Variants in EMC10 observed in about 807,000 individuals in gnomAD.
EMC10 encodes ER membrane protein complex subunit 10.
EMC10 carries 40 observed loss-of-function variants against 32.2 expected under a neutral mutation model. That is an observed-to-expected ratio of 1.24 (90% confidence interval 0.96 to 1.61). The LOEUF (loss-of-function observed/expected upper bound fraction) is 1.61, where lower values mean the gene tolerates loss of function less well. Ranked by LOEUF, EMC10 falls within the 40% of genes most tolerant of loss-of-function variation. The pLI is 0.00. For synonymous variants in EMC10, 178 were observed against 158.4 expected, an observed-to-expected ratio of 1.12 and a Z score of -0.93; for missense variants, 402 against 357.7, an observed-to-expected ratio of 1.12 and a Z score of -1.00.
chr19:50,476,810 G>C (rs1157463381), intron 1 of EMC10, 152 bp downstream of exon 1: 2 of 558,264 alleles, frequency 3.6e-6, no homozygotes, highest in Admixed American at 7.3e-5. Context: ...TCACGCACGC[G>C]CAGGAGGGGC....
In EMC10 at chr19:50,483,242, A is replaced by G; in HGVS notation, c.*983A>G. 1 of 406,218 alleles carries G rather than the reference A, an allele frequency of 2.5e-6. No individual in the cohort carries two copies. Among genetic ancestry groups the G allele is most frequent in the Non-Finnish European group, 5.1e-6 (1 of 197,834 alleles). 25.2% of individuals were successfully genotyped at this position (406,218 alleles called of 1,614,324 possible). On this transcript the variant is annotated 3_prime_UTR_variant, in exon 7 of 7. Coordinates refer to ENST00000334976, the MANE Select transcript of EMC10 (RefSeq NM_206538.4). Reference sequence around the variant, plus strand: ...TTGATTGAAATTCACTGCTCACTTGATACGTTATTCAGAAACCCAAGGAAT... The same window carrying G: ...TTGATTGAAATTCACTGCTCACTTGGTACGTTATTCAGAAACCCAAGGAAT...
chr19:50,481,993 C>A (rs763165735), intron 6 of EMC10, 156 bp from the exon 7 acceptor site: 2 of 1,603,660 alleles, frequency 1.2e-6, no homozygotes, highest in Admixed American at 3.4e-5. Context: ...ACTGGCCCTC[C>A]CTGACCTGTA....
chr19:50,479,048 G>A lies in EMC10; in HGVS notation c.279G>A (p.Glu93=), dbSNP rs201567811. 55 of 1,607,606 alleles carry A rather than the reference G, an allele frequency of 3.4e-5. 1 individual carries two copies. Among genetic ancestry groups the A allele is most frequent in the Middle Eastern group, 2.2e-4 (1 of 4,476 alleles). ...TGTCACAGCGGCAGCTCAGCGAGGA[G>A]GAGCGGGGCCGACTCCGGGTGAGGT... The part of the protein sequence containing the change: ...LSLSQRQLSE[E]ERGRLRDVAA... The change falls in exon 3 of 7, where the codon GAG becomes GAA. Residue 93 remains glutamate, a synonymous_variant. Transcript: ENST00000334976.
At chr19:50,481,689 C>T (rs565413398) in intron 6 of EMC10, 29 of 603,474 alleles carry the variant, frequency 4.8e-5, no homozygotes, top group Middle Eastern at 4.5e-4. Flanking sequence ...GGGCCTCACC[C>T]GCTCCGCCTG....
At position 50,480,760 on chromosome 19, in the gene EMC10, A is replaced by G; in HGVS notation, c.582A>G (p.Pro194=). 1 of 1,586,940 alleles carries G rather than the reference A, an allele frequency of 6.3e-7. No homozygotes were observed. The highest frequency in any genetic ancestry group is 8.6e-7 in the Non-Finnish European group (1 of 1,165,620). ...SVQLQPPTTA[P]GPETAAFIER... ...AGCTGCAGCCGCCCACCACAGCCCC[A>G]GGGTGAGCCTCTGCTGCCTTCGCGG... Residue 194 remains proline, a splice_region_variant and synonymous_variant, in exon 5 of 7, where the codon CCA becomes CCG. Coordinates refer to ENST00000334976, the MANE Select transcript of EMC10 (RefSeq NM_206538.4). The surrounding 1 kb of genome is among the most constrained non-coding windows in gnomAD (Gnocchi z 4.4).
At position 50,484,018 on chromosome 19, in the gene EMC10, C is replaced by CTTTTTTTTTTTTTTTTTTTTTTT. The variant is rs150801533; in HGVS notation, c.*1764_*1786dup. 7.9e-5 allele frequency: 4 copies of CTTTTTTTTTTTTTTTTTTTTTTT among 50,770 alleles called. 1 individual carries two copies. The highest frequency in any genetic ancestry group is 1.9e-4 in the African/African-American group (2 of 10,720). The allele number at this position is 50,770 out of a possible 1,614,324, so 3.1% of individuals were successfully genotyped here. On this transcript the variant is annotated 3_prime_UTR_variant, in exon 7 of 7. Coordinates refer to ENST00000334976, the MANE Select transcript of EMC10 (RefSeq NM_206538.4). ...AGGATTCCAGAAATATTTACTAATG[C>CTTTTTTTTTTTTTTTTTTTTTTT]TTTTTTTTTTTTTTTTTTTTTTTTT...
In EMC10 at chr19:50,479,127, C is replaced by T. The variant is rs982046778; in HGVS notation, c.297+61C>T. ...GATGGAGGGTTTCCAGCTGTCTCTT[C>T]AGCCACCCCCTGCTGGTCCCCAGCA... is the stretch of plus-strand genomic sequence containing the variant. On this transcript the variant is annotated intron_variant, in intron 3 of 6. Transcript: ENST00000334976. 9 of 1,331,168 alleles carry T rather than the reference C, an allele frequency of 6.8e-6. No individual in the cohort carries two copies. The African/African-American group carries it at 7.3e-5, about 11-fold the overall frequency. 82.5% of individuals were successfully genotyped at this position (1,331,168 alleles called of 1,614,324 possible). A position where few individuals can be genotyped will look rare whatever the true frequency, so the allele number is the denominator to read the frequency against.
chr19:50,479,748 C>G lies in EMC10; in HGVS notation c.298-363C>G, dbSNP rs574263488. 2.3e-3 allele frequency among the ~76,000 whole-genome samples: 356 copies of G among 152,280 alleles called. 1 individual carries two copies. Among genetic ancestry groups the G allele is most frequent in the African/African-American group, 7.8e-3 (326 of 41,562 alleles). ...CATGATTCTCTTGTCACAGCTGTCC[C>G]CAAACAGAATTTATTATGCATGTAA... is the stretch of plus-strand genomic sequence containing the variant. On this transcript the variant is annotated intron_variant, in intron 3 of 6. Transcript: ENST00000334976.
intron 1 of EMC10, chr19:50,476,897 G>C: frequency 2.5e-6 from 1 of 402,544 alleles, no homozygotes; most frequent in Middle Eastern, 6.4e-4. Context: ...TCGGGAATAT[G>C]TATGAGGGGG....
rs1978454457 is a variant in EMC10, at chr19:50,488,297, A to AAG, written c.*6039_*6040insGA. The AAG allele has an allele frequency of 8.6e-6, 1 of 116,064 alleles. No individual in the cohort carries two copies. The highest frequency in any genetic ancestry group is 1.7e-5 in the Non-Finnish European group (1 of 58,526). 7.2% of individuals were successfully genotyped at this position (116,064 alleles called of 1,614,324 possible). A position where few individuals can be genotyped will look rare whatever the true frequency, so the allele number is the denominator to read the frequency against. On this transcript the variant is annotated 3_prime_UTR_variant, in exon 7 of 7. Coordinates refer to ENST00000334976, the MANE Select transcript of EMC10 (RefSeq NM_206538.4). ...GGCGACAGAGCGAGACTCCGTCTCA[A>AAG]AAAAAAAAAAAAAAAAAAAAAGAAA...
chr19:50,478,090 C>T (rs1358337882), intron 2 of EMC10, 89 bp downstream of exon 2: 9 of 1,057,942 alleles, frequency 8.5e-6, no homozygotes, highest in Non-Finnish European at 1.2e-5. Flanking sequence ...CGTCGTATGA[C>T]ATTTACTAAC....
rs1444829233 is a variant in EMC10 at position 50,488,832 on chromosome 19, G to A, written c.*6573G>A. On this transcript the variant is annotated 3_prime_UTR_variant, in exon 7 of 7. Transcript: ENST00000334976. ...AGGGAGAGAGGAGAGAGAAGAGCCG[G>A]ACAGGGAGAGCAGAAGTGAGAAAAA... 6.6e-6 allele frequency: 1 copy of A among 151,544 alleles called. No homozygotes were observed. Among genetic ancestry groups the A allele is most frequent in the African/African-American group, 2.4e-5 (1 of 41,078 alleles). The allele number at this position is 151,544 out of a possible 1,614,324, so 9.4% of individuals were successfully genotyped here.
In EMC10 at chr19:50,483,956, T is replaced by G. The variant is rs1264780207; in HGVS notation, c.*1697T>G. ...GGAGATAGCTTATGCTTTTTCTGTCTTCATTCCATGTGAATCCTGCTTCAT... is the reference window on the plus strand; with the variant it reads ...GGAGATAGCTTATGCTTTTTCTGTCGTCATTCCATGTGAATCCTGCTTCAT... On this transcript the variant is annotated 3_prime_UTR_variant, in exon 7 of 7. Coordinates refer to ENST00000334976, the MANE Select transcript of EMC10 (RefSeq NM_206538.4). 6.6e-6 allele frequency: 1 copy of G among 151,722 alleles called. No individual in the cohort carries two copies. Among genetic ancestry groups the G allele is most frequent in the Non-Finnish European group, 1.5e-5 (1 of 68,010 alleles). The allele number at this position is 151,722 out of a possible 1,614,324, so 9.4% of individuals were successfully genotyped here.
In EMC10 at chr19:50,479,158, C is replaced by T. The variant is rs931746354; in HGVS notation, c.297+92C>T. On this transcript the variant is annotated intron_variant, in intron 3 of 6. Transcript: ENST00000334976. ...CCCCCTGCTGGTCCCCAGCAGCCTT[C>T]CCTCCAGGCCCAGGTGGGCTCCCAG... 4 of 1,001,478 alleles carry T rather than the reference C, an allele frequency of 4.0e-6. No individual in the cohort carries two copies. The African/African-American group carries it at 4.8e-5, about 12-fold the overall frequency. The allele number at this position is 1,001,478 out of a possible 1,614,324, so 62.0% of individuals were successfully genotyped here. A position where few individuals can be genotyped will look rare whatever the true frequency, so the allele number is the denominator to read the frequency against.
chr19:50,481,185 G>C (rs1274690948), intron 6 of EMC10: 3 of 543,938 alleles, frequency 5.5e-6, no homozygotes, highest in African/African-American at 1.9e-5. Context: ...GCCAGCTCTA[G>C]GGCGCAGGGT....
Position 50,480,546 on chromosome 19 carries a change from G to A in EMC10, c.403-35G>A, listed in dbSNP as rs1008828398. On this transcript the variant is annotated intron_variant, in intron 4 of 6. Coordinates refer to ENST00000334976, the MANE Select transcript of EMC10 (RefSeq NM_206538.4). The surrounding 1 kb of genome is among the most constrained non-coding windows in gnomAD (Gnocchi z 4.4). The stretch of plus-strand genomic sequence containing the variant: ...GGTTAGGGTGGAGCCCAGGCAGCAG[G>A]CTCCCCACCTCCACTGACCCCACTC... 6.5e-6 allele frequency: 10 copies of A among 1,544,606 alleles called. No individual in the cohort carries two copies. In the African/African-American group the frequency reaches 1.2e-4, roughly 19 times the overall value.
At chr19:50,479,394 T>A (rs1423422181) in intron 3 of EMC10, among the ~76,000 whole-genome samples, 1 of 152,098 alleles carries the variant, frequency 6.6e-6, no homozygotes, top group Non-Finnish European at 1.5e-5. Context: ...ACCACTTAGA[T>A]GAGATTTGTT....
At chr19:50,477,270 G>C (rs2040242678) in intron 1 of EMC10, 1 of 152,420 alleles carries the variant, frequency 6.6e-6, no homozygotes, top group African/African-American at 2.4e-5. Context: ...GGATGTGGTG[G>C]CAGGTGCCTG....
Position 50,480,275 on chromosome 19 carries a change from T to A in EMC10, c.402+60T>A. ...TCGTCCTCCTCATCCCCTACCCTGG[T>A]CCTGCTTCCACCATTCGAACCCCTG... On this transcript the variant is annotated intron_variant, in intron 4 of 6. Transcript: ENST00000334976. The surrounding 1 kb of genome is among the most constrained non-coding windows in gnomAD (Gnocchi z 4.4). The A allele has an allele frequency of 6.7e-7, 1 of 1,498,190 alleles. No individual in the cohort carries two copies. Among genetic ancestry groups the A allele is most frequent in the Non-Finnish European group, 9.2e-7 (1 of 1,089,574 alleles). 92.8% of individuals were successfully genotyped at this position (1,498,190 alleles called of 1,614,324 possible).
Sources: allele counts gnomAD v4.1 joint callset (sites outside exome capture counted in the v4.1 genomes callset), GRCh38; gene constraint gnomAD v4.1.1; non-coding constraint Gnocchi (gnomAD v3.1); transcripts MANE v1.5; gene names NCBI Gene and HGNC (gene_info 2026-07-23, HGNC 2026-07-21).